CCSER1: variants seen among roughly 807,000 people sequenced by gnomAD.
CCSER1 encodes serine-rich coiled-coil domain-containing protein 1.
CCSER1 carries 41 observed loss-of-function variants against 82.0 expected under a neutral mutation model. The ratio of observed to expected loss-of-function variants is 0.50; its 90% CI spans 0.39 to 0.65. The LOEUF is 0.65. Ranked by LOEUF, CCSER1 falls within the 30% of genes least tolerant of loss-of-function variation. CCSER1 has a pLI of 0.00. For missense variants in CCSER1, 1,119 were observed against 1,064.2 expected, an observed-to-expected ratio of 1.05 and a Z score of -0.72; for synonymous variants, 414 against 383.9, an observed-to-expected ratio of 1.08 and a Z score of -0.92.
chr4:90,839,095 A>C lies in CCSER1; in HGVS notation c.2094+23250A>C, dbSNP rs61748353. The C allele has an allele frequency of 2.6e-3, 3,478 of 1,318,840 alleles. 61 individuals are homozygous for C. In the African/African-American group the frequency reaches 0.045, roughly 17 times the overall value. 81.7% of individuals were successfully genotyped at this position (1,318,840 alleles called of 1,614,324 possible). Reference sequence around the variant, plus strand: ...AGTACGAGCGAAGTCTGGTCTGCGCAGTGGCCACCACCGAGTTGTCGCCAT... The same window carrying C: ...AGTACGAGCGAAGTCTGGTCTGCGCCGTGGCCACCACCGAGTTGTCGCCAT... On this transcript the variant is annotated intron_variant, in intron 8 of 10. Transcript: ENST00000509176.
At chr4:91,416,541 A>G (rs934381343) in intron 10 of CCSER1, among the ~76,000 whole-genome samples, 2 of 152,142 alleles carry the variant, frequency 1.3e-5, no homozygotes, top group African/African-American at 4.8e-5. Context: ...GAAAACAGAA[A>G]TAAGACTGCA....
Position 91,598,538 on chromosome 4 carries a change from T to TA in CCSER1, c.2218-32dup, listed in dbSNP as rs1468457024. 4.0e-6 allele frequency: 6 copies of TA among 1,511,788 alleles called. No homozygotes were observed. The Admixed American group carries it at 1.1e-4, about 29-fold the overall frequency. 93.6% of individuals were successfully genotyped at this position (1,511,788 alleles called of 1,614,324 possible). ...TATGTATGCTATGAAAGTGTTTTTT[T>TA]AAGACATCTTTTTCTTTCTGTGTCT... On this transcript the variant is annotated intron_variant, in intron 10 of 10. Coordinates refer to ENST00000509176, the MANE Select transcript of CCSER1 (RefSeq NM_001145065.2).
At chr4:91,525,156 T>C (rs576067170) in intron 10 of CCSER1, among the ~76,000 whole-genome samples, 4 of 152,164 alleles carry the variant, frequency 2.6e-5, no homozygotes, top group East Asian at 3.9e-4. Flanking sequence ...TTGAGGCTAA[T>C]TGAAATATAA....
intron 7 of CCSER1, among the ~76,000 whole-genome samples, chr4:90,762,921 G>A (rs1422220913): frequency 6.6e-6 from 1 of 152,006 alleles, no homozygotes; most frequent in African/African-American, 2.4e-5. Flanking sequence ...AGAGAGATTT[G>A]ACAGAGGCAG....
At chr4:91,421,394 G>A (rs755840582) in intron 10 of CCSER1, among the ~76,000 whole-genome samples, 12 of 152,172 alleles carry the variant, frequency 7.9e-5, no homozygotes, top group East Asian at 1.9e-4. Context: ...TTGTGGAGTC[G>A]TGGGTGTAAG....
At chr4:90,411,426 C>G (rs537122936) in intron 4 of CCSER1, among the ~76,000 whole-genome samples, 1 of 152,280 alleles carries the variant, frequency 6.6e-6, no homozygotes, top group African/African-American at 2.4e-5. Flanking sequence ...TTATCCACCA[C>G]GATCACATGG....
chr4:91,432,056 C>T (rs1754358797), intron 10 of CCSER1, among the ~76,000 whole-genome samples: 1 of 152,104 alleles, frequency 6.6e-6, no homozygotes, highest in Non-Finnish European at 1.5e-5. Context: ...ATGCTGTTCT[C>T]ATGATAGTGA....
At chr4:91,162,981 A>G (rs1216504829) in intron 10 of CCSER1, among the ~76,000 whole-genome samples, 3 of 151,950 alleles carry the variant, frequency 2.0e-5, no homozygotes, top group African/African-American at 7.3e-5. Flanking sequence ...TCGCTTTTGA[A>G]TGTGTTTGCT....
At chr4:90,533,883 A>T (rs1259324305) in intron 5 of CCSER1, among the ~76,000 whole-genome samples, 1 of 152,208 alleles carries the variant, frequency 6.6e-6, no homozygotes, top group Non-Finnish European at 1.5e-5. Context: ...GTACTTGACA[A>T]AATGTGATTC....
intron 8 of CCSER1, among the ~76,000 whole-genome samples, chr4:90,882,013 G>T (rs892339739): frequency 6.6e-6 from 1 of 151,812 alleles, no homozygotes; most frequent in Non-Finnish European, 1.5e-5. Context: ...TAAACCCTTG[G>T]AATCTAGTAA....
At chr4:90,954,162 TTTTA>T (rs1462323868) in intron 9 of CCSER1, among the ~76,000 whole-genome samples, 2 of 152,042 alleles carry the variant, frequency 1.3e-5, no homozygotes, top group African/African-American at 4.8e-5. Flanking sequence ...TTCTACAGTA[TTTTA>T]TTTGTTATCA....
At chr4:90,240,234 A>G (rs973074335) in intron 1 of CCSER1, among the ~76,000 whole-genome samples, 2 of 152,138 alleles carry the variant, frequency 1.3e-5, no homozygotes, top group Non-Finnish European at 2.9e-5. Context: ...AGGGAAGAGT[A>G]TGGGGCCTGT....
chr4:90,699,031 G>A (rs1737517557), intron 6 of CCSER1, among the ~76,000 whole-genome samples: 1 of 152,062 alleles, frequency 6.6e-6, no homozygotes, highest in African/African-American at 2.4e-5. Flanking sequence ...AGCTCAAGAG[G>A]TTGAGGGTGC....
chr4:91,084,496 C>T (rs1017844951), intron 9 of CCSER1, among the ~76,000 whole-genome samples: 1 of 150,972 alleles, frequency 6.6e-6, no homozygotes, highest in Admixed American at 6.6e-5. Context: ...AGTGACAAAC[C>T]AGAGATTTAA....
At chr4:91,201,268 T>C (rs1176987453) in intron 10 of CCSER1, among the ~76,000 whole-genome samples, 2 of 152,094 alleles carry the variant, frequency 1.3e-5, no homozygotes, top group African/African-American at 4.8e-5. Flanking sequence ...TAGGCCTGCA[T>C]CTTGATCACA....
intron 5 of CCSER1, among the ~76,000 whole-genome samples, chr4:90,568,471 T>C (rs1779674781): frequency 6.6e-6 from 1 of 152,170 alleles, no homozygotes; most frequent in Admixed American, 6.5e-5. Flanking sequence ...TGATTTAAGT[T>C]TGGTTATTTC....
chr4:90,268,591 A>C (rs977560922), intron 1 of CCSER1, among the ~76,000 whole-genome samples: 6 of 152,124 alleles, frequency 3.9e-5, no homozygotes, highest in Admixed American at 1.3e-4. Context: ...CCAGCAGAGA[A>C]AATCAACTTC....
chr4:91,559,770 ATATT>A (rs144993249), intron 10 of CCSER1, among the ~76,000 whole-genome samples: 8,327 of 151,508 alleles, frequency 0.055, 239 homozygotes, highest in Middle Eastern at 0.079. Flanking sequence ...TAGAAAAATT[ATATT>A]TATTTTTTCT....
At chr4:91,399,006 T>A (rs1237773478) in intron 10 of CCSER1, among the ~76,000 whole-genome samples, 1 of 151,818 alleles carries the variant, frequency 6.6e-6, no homozygotes, top group Non-Finnish European at 1.5e-5. Flanking sequence ...TAGATAAAAT[T>A]TTTGGAATGT....
Sources: allele counts gnomAD v4.1 joint callset (sites outside exome capture counted in the v4.1 genomes callset), GRCh38; gene constraint gnomAD v4.1.1; transcripts MANE v1.5; gene names NCBI Gene and HGNC (gene_info 2026-07-23, HGNC 2026-07-21).